Variants in ANKRD36C observed in about 807,000 individuals in gnomAD.
ANKRD36C encodes the protein ankyrin repeat domain-containing protein 36C.
ANKRD36C carries 61 observed loss-of-function variants against 276.4 expected under a neutral mutation model. That is an observed-to-expected ratio of 0.22 (90% CI 0.18 to 0.27). The LOEUF is 0.27. ANKRD36C is among the 10% of genes least tolerant of loss of function. ANKRD36C has a pLI of 1.00. For synonymous variants in ANKRD36C, 483 were observed against 680.1 expected (o/e 0.71, Z 4.51); for missense variants, 1,447 against 2,032.3 (o/e 0.71, Z 5.54).
At chr2:95,864,857 C>T (rs1675654062) in intron 60 of ANKRD36C, among the ~76,000 whole-genome samples, 1 of 152,066 alleles carries the variant, frequency 6.6e-6, no homozygotes, top group East Asian at 1.9e-4. Context: ...GGTTTAACAA[C>T]CTTTGGTCTA....
At chr2:95,885,491 C>A (rs1369312396) in intron 52 of ANKRD36C, among the ~76,000 whole-genome samples, 2 of 150,834 alleles carry the variant, frequency 1.3e-5, no homozygotes, top group East Asian at 2.0e-4. Context: ...GCAAATATTC[C>A]AAATTTATCT....
chr2:95,902,943 T>C (rs1676700563), intron 42 of ANKRD36C: 4 of 1,590,280 alleles, frequency 2.5e-6, no homozygotes, highest in Admixed American at 1.7e-5. Context: ...AGAGAATCTT[T>C]CTCGTCTCTT....
intron 29 of ANKRD36C, 23 bp from the exon 30 acceptor site, chr2:95,925,447 T>C: frequency 1.3e-6 from 2 of 1,548,730 alleles, no homozygotes; most frequent in South Asian, 1.2e-5. Context: ...AGAAACAAAA[T>C]AGTCAATACA....
chr2:95,863,816 G>A (rs1038434515), intron 60 of ANKRD36C, among the ~76,000 whole-genome samples: 1 of 152,142 alleles, frequency 6.6e-6, no homozygotes, highest in Non-Finnish European at 1.5e-5. Flanking sequence ...GGGTGCCAAA[G>A]GGTAAGAGAC....
chr2:95,923,820 G>T, intron 30 of ANKRD36C, 131 bp from the exon 31 acceptor site: 2 of 1,342,498 alleles, frequency 1.5e-6, no homozygotes, highest in Admixed American at 5.1e-5. Context: ...TTGTGTCTGG[G>T]GACTGGAACA....
Position 95,852,118 on chromosome 2 carries a change from A to G in ANKRD36C, c.5219+8T>C, listed in dbSNP as rs1188778252. The G allele has an allele frequency of 6.2e-7, 1 of 1,606,390 alleles. No homozygotes were observed. The highest frequency in any genetic ancestry group is 1.7e-5 in the Admixed American group (1 of 59,824). ...TCAAGTTATTTTGTGTGCTGCTTCA[A>G]ATTTTACTTTTGTGCGTCGCCTTCC... On this transcript the variant is annotated splice_region_variant and intron_variant, in intron 65 of 66. Transcript: ENST00000456556.
chr2:95,851,577 A>G (rs1288928428), intron 66 of ANKRD36C, 117 bp downstream of exon 86: 1 of 925,424 alleles, frequency 1.1e-6, no homozygotes, highest in African/African-American at 1.7e-5. Flanking sequence ...AAATATTCCA[A>G]AATCTGAAAA....
chr2:95,908,664 A>G lies in ANKRD36C; in HGVS notation c.2653+3580T>C, dbSNP rs987443911. On this transcript the variant is annotated intron_variant, in intron 42 of 66. Coordinates refer to ENST00000456556, the Ensembl canonical transcript of ANKRD36C. ...AGTTCACAACATAAATGACAGTTTC[A>G]TTACCTTCAAGCCTGGTGGTTGCTC... 1.9e-6 allele frequency: 3 copies of G among 1,563,486 alleles called. No homozygotes were observed. The highest frequency in any genetic ancestry group is 3.7e-5 in the Admixed American group (2 of 54,092).
At chr2:95,880,061 T>C (rs996743900) in intron 58 of ANKRD36C, among the ~76,000 whole-genome samples, 26 of 138,810 alleles carry the variant, frequency 1.9e-4, no homozygotes, top group African/African-American at 6.5e-4. Context: ...ATACCTGTAA[T>C]CCCAGCTACT....
chr2:95,892,497 A>C (rs952003756), intron 44 of ANKRD36C, among the ~76,000 whole-genome samples: 1 of 151,510 alleles, frequency 6.6e-6, no homozygotes, highest in African/African-American at 2.4e-5. Flanking sequence ...TAGCCTTCCG[A>C]AAGTTTCTTC....
At chr2:95,991,454 G>T in intron 1 of ANKRD36C, 58 bp downstream of exon 1, 1 of 1,538,644 alleles carries the variant, frequency 6.5e-7, no homozygotes, top group Non-Finnish European at 8.8e-7. Context: ...CCTGGAAAGG[G>T]GTACTTCTCC....
At chr2:95,973,124 T>C (rs1347465973) in intron 6 of ANKRD36C, among the ~76,000 whole-genome samples, 7 of 148,424 alleles carry the variant, frequency 4.7e-5, no homozygotes, top group Admixed American at 2.7e-4. Flanking sequence ...CTCTAAAATG[T>C]ATTAGTAGGC....
At chr2:95,930,921 C>T (rs1419089831) in intron 24 of ANKRD36C, among the ~76,000 whole-genome samples, 1 of 151,594 alleles carries the variant, frequency 6.6e-6, no homozygotes, top group Admixed American at 6.6e-5. Context: ...GGGTTACCCT[C>T]ATCCTTCTAA....
chr2:95,986,816 T>C (rs754053167), exon 3 of ANKRD36C: 1 of 1,611,950 alleles, frequency 6.2e-7, no homozygotes, highest in Non-Finnish European at 8.5e-7. Context: ...GTATCTTCAT[T>C]ATACACAGCG....
At chr2:95,981,142 T>C (rs1234084302) in intron 4 of ANKRD36C, among the ~76,000 whole-genome samples, 3 of 151,858 alleles carry the variant, frequency 2.0e-5, no homozygotes, top group Non-Finnish European at 4.4e-5. Flanking sequence ...CAAAATCAGC[T>C]GAAGGGTCAG....
intron 26 of ANKRD36C, 98 bp from the exon 27 acceptor site, chr2:95,927,507 TG>T: frequency 6.4e-7 from 1 of 1,556,902 alleles, no homozygotes; most frequent in Middle Eastern, 2.3e-4. Context: ...TCTTCCTGCC[TG>T]TACTAGTGTA....
exon 5 of ANKRD36C, chr2:95,980,694 A>T: frequency 1.2e-6 from 2 of 1,612,762 alleles, no homozygotes; most frequent in Non-Finnish European, 1.7e-6. Context: ...AGCTTTCCAT[A>T]CACATCTCGA....
In ANKRD36C at chr2:95,889,965, C is replaced by A; in HGVS notation, c.2886+1G>T. On this transcript the variant is annotated splice_donor_variant, in intron 47 of 66. Coordinates refer to ENST00000456556, the Ensembl canonical transcript of ANKRD36C. LOFTEE classifies it high-confidence loss of function. ...CAAAATATAAATGAGAGTTTAATTACCTTCAAGGCTGGTTGTTTATGAGAA... is the reference window on the plus strand; with the variant it reads ...CAAAATATAAATGAGAGTTTAATTAACTTCAAGGCTGGTTGTTTATGAGAA... 6.2e-7 allele frequency: 1 copy of A among 1,609,844 alleles called. No homozygotes were observed.
In ANKRD36C at chr2:95,973,315, G is replaced by A. The variant is rs943171085; in HGVS notation, c.799+4807C>T. Among the ~76,000 whole-genome samples, 28 of 152,030 alleles carry A rather than the reference G, an allele frequency of 1.8e-4. 1 individual carries two copies. In the South Asian group the frequency reaches 3.5e-3, roughly 19 times the overall value. On this transcript the variant is annotated intron_variant, in intron 6 of 66. Transcript: ENST00000456556. Reference sequence around the variant, plus strand: ...TAGTCCCAACTACTTGGGAGGCTGAGGCAGGAGAAGCGCTTGAACCCAGGA... The same window carrying A: ...TAGTCCCAACTACTTGGGAGGCTGAAGCAGGAGAAGCGCTTGAACCCAGGA...
Sources: gnomAD v4.1 joint callset for allele counts (sites outside exome capture counted in the v4.1 genomes callset) on GRCh38, gnomAD v4.1.1 for gene constraint, MANE v1.5 for transcripts, NCBI Gene and HGNC (gene_info 2026-07-23, HGNC 2026-07-21) for gene names.